The following TPD52 variants were observed in gnomAD, a reference collection of about 807,000 sequenced individuals.
TPD52 encodes prostate and colon associated protein.
Under a neutral mutation model 31.3 loss-of-function variants are expected in TPD52, and 17 were observed. The observed-to-expected ratio is 0.54, with a 90% CI of 0.37 to 0.82. The LOEUF is 0.82. Among genes scored for constraint, TPD52 ranks in the 40% least tolerant of loss-of-function variants. The pLI is 0.00. For synonymous variants in TPD52, 83 were observed against 89.6 expected (o/e 0.93, Z 0.42); for missense variants, 212 against 240.1 (o/e 0.88, Z 0.77).
intron 1 of TPD52, among the ~76,000 whole-genome samples, chr8:80,168,906 T>C (rs1412854647): frequency 6.6e-6 from 1 of 152,174 alleles, no homozygotes; most frequent in Non-Finnish European, 1.5e-5. Context: ...GCACCTACTG[T>C]GTGCACTGGT....
Position 80,055,191 on chromosome 8 carries a change from T to C in TPD52, c.136-1761A>G, listed in dbSNP as rs2130576712. Among the ~76,000 whole-genome samples the C allele has an allele frequency of 1.3e-5, 2 of 152,296 alleles. 1 individual carries two copies. Among genetic ancestry groups the C allele is most frequent in the East Asian group, 3.9e-4 (2 of 5,176 alleles). ...CTTAGCACTTCTCTGAGGTACTCAC[T>C]TCCTCTAATGAAAGCTGCAAAGACA... On this transcript the variant is annotated intron_variant, in intron 2 of 7. Transcript: ENST00000518937.
chr8:80,069,372 G>A (rs1483523815), intron 1 of TPD52, among the ~76,000 whole-genome samples: 4 of 152,176 alleles, frequency 2.6e-5, no homozygotes, highest in East Asian at 1.9e-4. Context: ...AGGCTGTGGC[G>A]GGAGGATCGC....
intron 1 of TPD52, 133 bp from the exon 2 acceptor site, chr8:80,064,726 G>A: frequency 1.4e-6 from 1 of 731,176 alleles, no homozygotes; most frequent in Non-Finnish European, 2.5e-6. Context: ...ATATTCAAAT[G>A]ACCTGGCTTT....
chr8:80,065,938 T>C (rs1285999832), intron 1 of TPD52, among the ~76,000 whole-genome samples: 1 of 143,832 alleles, frequency 7.0e-6, no homozygotes, highest in Admixed American at 6.8e-5. Context: ...CAACAGATTT[T>C]TTTTTTTTTT....
chr8:80,147,320 C>A (rs62516123), intron 1 of TPD52, among the ~76,000 whole-genome samples: 15,011 of 152,098 alleles, frequency 0.099, 872 homozygotes, highest in South Asian at 0.21. Flanking sequence ...ACCTCGCTGA[C>A]GGGATAGGAG....
At chr8:80,112,154 G>C (rs1243352822) in intron 1 of TPD52, among the ~76,000 whole-genome samples, 1 of 152,204 alleles carries the variant, frequency 6.6e-6, no homozygotes, top group Non-Finnish European at 1.5e-5. Context: ...CTCACCTTCA[G>C]AGATTATGAT....
intron 1 of TPD52, among the ~76,000 whole-genome samples, chr8:80,145,949 TG>T (rs1810163782): frequency 6.6e-6 from 1 of 152,210 alleles, no homozygotes; most frequent in Non-Finnish European, 1.5e-5. Context: ...TTTAATAACT[TG>T]GCAAAACAAG....
chr8:80,151,556 G>A (rs1810568171), intron 1 of TPD52, among the ~76,000 whole-genome samples: 2 of 152,174 alleles, frequency 1.3e-5, no homozygotes, highest in African/African-American at 4.8e-5. Context: ...CTTTAAAGAA[G>A]CAGTAGATCC....
chr8:80,100,983 C>T (rs1806688272), intron 1 of TPD52, among the ~76,000 whole-genome samples: 1 of 152,252 alleles, frequency 6.6e-6, no homozygotes, highest in Admixed American at 6.5e-5. Context: ...CAAGTCCACA[C>T]ATACATTTAA....
chr8:80,079,709 T>C (rs1815013060), intron 1 of TPD52, among the ~76,000 whole-genome samples: 1 of 152,128 alleles, frequency 6.6e-6, no homozygotes, highest in African/African-American at 2.4e-5. Flanking sequence ...TGCTGCCTTG[T>C]GCCAATAAAG....
intron 1 of TPD52, among the ~76,000 whole-genome samples, chr8:80,071,932 T>G (rs1300964569): frequency 6.6e-6 from 1 of 152,102 alleles, no homozygotes; most frequent in African/African-American, 2.4e-5. Flanking sequence ...CTGCCCCATC[T>G]CCTGCTACTG....
At chr8:80,040,185 CTTTTTTTTTTTTTT>C (rs34611433) in intron 7 of TPD52, among the ~76,000 whole-genome samples, 10 of 95,682 alleles carry the variant, frequency 1.0e-4, no homozygotes, top group Middle Eastern at 6.1e-3. Flanking sequence ...ATACGCTATC[CTTTTTTTTTTTTTT>C]TTTTTTTTTT....
intron 7 of TPD52, 134 bp from the exon 8 acceptor site, chr8:80,038,369 A>G: frequency 2.2e-6 from 2 of 898,074 alleles, no homozygotes; most frequent in Non-Finnish European, 1.7e-6. Flanking sequence ...TTATATATGT[A>G]TGGAATTTAG....
chr8:80,073,427 G>A (rs1330206515), intron 1 of TPD52, among the ~76,000 whole-genome samples: 1 of 152,152 alleles, frequency 6.6e-6, no homozygotes, highest in Non-Finnish European at 1.5e-5. Context: ...TCCTACTCTT[G>A]GGGGATCTCC....
chr8:80,094,483 T>TA (rs1816576375), intron 1 of TPD52, among the ~76,000 whole-genome samples: 1 of 100,812 alleles, frequency 9.9e-6, no homozygotes, highest in Non-Finnish European at 2.1e-5. Context: ...TATATATATA[T>TA]ATGTATGTAT....
rs993000380 is a variant in TPD52, at chr8:80,037,032, A to T, written c.*1084T>A. The stretch of plus-strand genomic sequence containing the variant: ...CAAAGTAGGAGACAGGTTCTACAGT[A>T]TCATTTTACAGTTTCCAACACATTG... On this transcript the variant is annotated 3_prime_UTR_variant, in exon 8 of 8. Coordinates refer to ENST00000518937, the MANE Select transcript of TPD52 (RefSeq NM_001025253.3). 1.3e-5 allele frequency: 2 copies of T among 152,638 alleles called. No homozygotes were observed. The highest frequency in any genetic ancestry group is 2.9e-5 in the Non-Finnish European group (2 of 68,028). 9.5% of individuals were successfully genotyped at this position (152,638 alleles called of 1,614,324 possible).
At chr8:80,162,982 T>C (rs1009562161) in intron 1 of TPD52, among the ~76,000 whole-genome samples, 2 of 151,894 alleles carry the variant, frequency 1.3e-5, no homozygotes, top group African/African-American at 2.4e-5. Flanking sequence ...ATAACGAGTG[T>C]TGATAAAGAT....
chr8:80,031,614 TTG>T (rs1809695400), downstream of TPD52, among the ~76,000 whole-genome samples: 1 of 152,080 alleles, frequency 6.6e-6, no homozygotes, highest in Non-Finnish European at 1.5e-5. Flanking sequence ...TCCCAGCACT[TTG>T]TGAGGTTGAG....
At chr8:80,146,783 A>G (rs537632468) in intron 1 of TPD52, among the ~76,000 whole-genome samples, 1 of 152,346 alleles carries the variant, frequency 6.6e-6, no homozygotes, top group East Asian at 1.9e-4. Context: ...GAAGTGATCA[A>G]TATGTACTAG....
Sources: gnomAD v4.1 joint callset for allele counts (sites outside exome capture counted in the v4.1 genomes callset) on GRCh38, gnomAD v4.1.1 for gene constraint, MANE v1.5 for transcripts, NCBI Gene and HGNC (gene_info 2026-07-23, HGNC 2026-07-21) for gene names.